CDK5RAP2: variants seen among roughly 807,000 people sequenced by gnomAD.
CDK5RAP2 encodes the protein CDK5 regulatory subunit-associated protein 2.
CDK5RAP2 carries 147 observed loss-of-function variants against 232.9 expected under a neutral mutation model. That is an observed-to-expected ratio of 0.63 (90% CI 0.55 to 0.72). CDK5RAP2 has a LOEUF of 0.72. Ranked by LOEUF, CDK5RAP2 falls within the 30% of genes least tolerant of loss-of-function variation. The pLI, the probability that CDK5RAP2 is intolerant of heterozygous loss-of-function variation, is 0.00. For missense variants in CDK5RAP2, 2,195 were observed against 2,231.5 expected (o/e 0.98, Z 0.33); for synonymous variants, 833 against 833.7 (o/e 1.00, Z 0.01).
intron 23 of CDK5RAP2, among the ~76,000 whole-genome samples, chr9:120,442,994 T>C (rs1778824141): frequency 6.6e-6 from 1 of 152,174 alleles, no homozygotes; most frequent in African/African-American, 2.4e-5. Context: ...ATAAAAAGAA[T>C]GTAGGCATTT....
rs372855873 is a variant in CDK5RAP2, at chr9:120,439,562, C to T, written c.3559G>A (p.Gly1187Ser). The change falls in exon 24 of 38, where the codon GGT becomes AGT. Residue 1187 changes from glycine (G) to serine (S), a missense_variant. Coordinates refer to ENST00000349780, the MANE Select transcript of CDK5RAP2 (RefSeq NM_018249.6). Reference sequence around the variant, plus strand: ...TCAATCATCTCTGGGGCCAGCGGACCGAGGATTTTCACGTGTTTCACGTAT... The same window carrying T: ...TCAATCATCTCTGGGGCCAGCGGACTGAGGATTTTCACGTGTTTCACGTAT... ...VRYVKHVKIL[G>S]PLAPEMIDSR... is the part of the protein sequence containing the mutation. 6.2e-6 allele frequency: 10 copies of T among 1,614,084 alleles called. No homozygotes were observed. In the Admixed American group the frequency reaches 8.3e-5, roughly 13 times the overall value.
chr9:120,469,776 T>C (rs2131517893), intron 17 of CDK5RAP2, among the ~76,000 whole-genome samples: 1 of 152,232 alleles, frequency 6.6e-6, no homozygotes, highest in East Asian at 1.9e-4. Flanking sequence ...ACCAGATAAT[T>C]ATAGATCAGT....
chr9:120,413,289 A>C (rs1359598375), intron 28 of CDK5RAP2, among the ~76,000 whole-genome samples: 2 of 152,218 alleles, frequency 1.3e-5, no homozygotes, highest in African/African-American at 4.8e-5. Flanking sequence ...GAGGGTCATC[A>C]CTATCAGCCT....
At chr9:120,483,950 C>A (rs923522850) in intron 14 of CDK5RAP2, among the ~76,000 whole-genome samples, 20 of 152,194 alleles carry the variant, frequency 1.3e-4, no homozygotes, top group African/African-American at 4.8e-4. Context: ...CACAGCCCTG[C>A]AACAAAGACA....
At chr9:120,407,312 A>C in intron 31 of CDK5RAP2, 64 bp from the exon 32 acceptor site, 4 of 1,240,994 alleles carry the variant, frequency 3.2e-6, no homozygotes, top group Non-Finnish European at 4.7e-6. Flanking sequence ...CCATCGAAGG[A>C]ACTCAATCGC....
intron 29 of CDK5RAP2, among the ~76,000 whole-genome samples, chr9:120,409,906 T>C (rs1334966497): frequency 6.6e-6 from 1 of 152,222 alleles, no homozygotes; most frequent in Non-Finnish European, 1.5e-5. Flanking sequence ...TTTCCTTACA[T>C]GTGTTATTGT....
chr9:120,405,291 T>C (rs888784074), intron 32 of CDK5RAP2, among the ~76,000 whole-genome samples: 1 of 152,244 alleles, frequency 6.6e-6, no homozygotes, highest in Admixed American at 6.5e-5. Context: ...AATTCTGATC[T>C]TGACTCAAGG....
chr9:120,534,035 TCCATTC>T (rs2041279488), intron 7 of CDK5RAP2, among the ~76,000 whole-genome samples: 1 of 152,124 alleles, frequency 6.6e-6, no homozygotes, highest in Non-Finnish European at 1.5e-5. Flanking sequence ...CCAGTGTCAA[TCCATTC>T]CCCAAGGGCA....
intron 12 of CDK5RAP2, among the ~76,000 whole-genome samples, chr9:120,494,784 C>G (rs1207098275): frequency 1.0e-5 from 1 of 95,872 alleles, no homozygotes; most frequent in South Asian, 2.8e-4. Flanking sequence ...CCAGAAGGGT[C>G]GAAGGCGCCG....
intron 1 of CDK5RAP2, among the ~76,000 whole-genome samples, chr9:120,574,988 C>T (rs1007055470): frequency 6.6e-6 from 1 of 151,922 alleles, no homozygotes; most frequent in Non-Finnish European, 1.5e-5. Context: ...TGGTTAAGGG[C>T]CGAATGGACT....
intron 32 of CDK5RAP2, among the ~76,000 whole-genome samples, chr9:120,405,829 C>T (rs1390024578): frequency 6.6e-6 from 1 of 152,148 alleles, no homozygotes; most frequent in Non-Finnish European, 1.5e-5. Flanking sequence ...AGCCTGCAAA[C>T]AATCATTAGG....
intron 12 of CDK5RAP2, among the ~76,000 whole-genome samples, chr9:120,509,700 T>C (rs2039990227): frequency 1.3e-5 from 2 of 152,222 alleles, no homozygotes; most frequent in African/African-American, 4.8e-5. Flanking sequence ...GTGTCAAGTA[T>C]TATGCTAAGT....
intron 14 of CDK5RAP2, among the ~76,000 whole-genome samples, chr9:120,487,041 G>C (rs974254009): frequency 3.9e-5 from 6 of 152,200 alleles, no homozygotes; most frequent in Admixed American, 3.9e-4. Context: ...GGTGAGCCCT[G>C]ATAGAGCAAA....
intron 12 of CDK5RAP2, among the ~76,000 whole-genome samples, chr9:120,511,324 G>C (rs2040072314): frequency 6.6e-6 from 1 of 152,112 alleles, no homozygotes; most frequent in Non-Finnish European, 1.5e-5. Flanking sequence ...TTTAGGTCAG[G>C]GCTCATCTGT....
At chr9:120,469,484 A>G (rs1286887640) in intron 17 of CDK5RAP2, among the ~76,000 whole-genome samples, 1 of 152,198 alleles carries the variant, frequency 6.6e-6, no homozygotes, top group Non-Finnish European at 1.5e-5. Context: ...TCACACATAC[A>G]TGATAATTTT....
intron 12 of CDK5RAP2, among the ~76,000 whole-genome samples, chr9:120,504,730 C>T (rs983044655): frequency 6.6e-6 from 1 of 152,230 alleles, no homozygotes; most frequent in Non-Finnish European, 1.5e-5. Context: ...CTTCAGCTTA[C>T]GTTTCAGCTT....
intron 35 of CDK5RAP2, 52 bp downstream of exon 35, chr9:120,400,690 A>G (rs1254903859): frequency 9.3e-6 from 15 of 1,608,306 alleles, no homozygotes; most frequent in Non-Finnish European, 1.3e-5. Context: ...GGAAACTGAG[A>G]CACAGGCCCC....
chr9:120,446,945 G>A (rs553380276), intron 22 of CDK5RAP2, among the ~76,000 whole-genome samples: 62 of 152,072 alleles, frequency 4.1e-4, no homozygotes, highest in African/African-American at 1.3e-3. Context: ...ATTTTCTCAC[G>A]TTGTACATAT....
At position 120,460,595 on chromosome 9, in the gene CDK5RAP2, G is replaced by T; in HGVS notation, c.2179C>A (p.Gln727Lys). 6.2e-7 allele frequency: 1 copy of T among 1,614,052 alleles called. No homozygotes were observed. Among genetic ancestry groups the T allele is most frequent in the Middle Eastern group, 1.6e-4 (1 of 6,062 alleles). Residue 727 changes from glutamine (Q) to lysine (K), a missense_variant, in exon 19 of 38, where the codon CAG becomes AAG. Transcript: ENST00000349780. ...ACCTCATTACTCTGCTGCAAATGCT[G>T]GTCACTCAGGAAATTAATCTCGTCA... ...EDDEINFLSD[Q>K]HLQQSNEIMK...
Sources: allele counts gnomAD v4.1 joint callset (sites outside exome capture counted in the v4.1 genomes callset), GRCh38; gene constraint gnomAD v4.1.1; transcripts MANE v1.5; gene names NCBI Gene and HGNC (gene_info 2026-07-23, HGNC 2026-07-21).